The following RIPOR3 variants were observed in gnomAD, a reference collection of about 807,000 sequenced individuals.
RIPOR3 encodes the protein family with sequence similarity 65 member C.
RIPOR3 carries 95 observed loss-of-function variants against 114.3 expected under a neutral mutation model. That is an observed-to-expected ratio of 0.83 (90% CI 0.70 to 0.99). The LOEUF is 0.99. Ranked by LOEUF, RIPOR3 falls within the 50% of genes least tolerant of loss-of-function variation. The pLI, the probability that RIPOR3 is intolerant of heterozygous loss-of-function variation, is 0.00. For synonymous variants in RIPOR3, 575 were observed against 543.8 expected (o/e 1.06, Z -0.80); for missense variants, 1,252 against 1,266.9 (o/e 0.99, Z 0.18).
rs192356830 is a variant in RIPOR3, at chr20:50,619,233, T to C, written c.269+753A>G. On this transcript the variant is annotated intron_variant, in intron 3 of 21. Coordinates refer to ENST00000327979, the MANE Select transcript of RIPOR3 (RefSeq NM_001290268.2). ...GTTGCAGTGAGCTGAGATCACACCATTGCACTCCAGCCTGGGCAACAAGAG... is the reference window on the plus strand; with the variant it reads ...GTTGCAGTGAGCTGAGATCACACCACTGCACTCCAGCCTGGGCAACAAGAG... Among the ~76,000 whole-genome samples the C allele has an allele frequency of 7.1e-3, 1,075 of 150,530 alleles. 11 individuals are homozygous for C. The highest frequency in any genetic ancestry group is 0.027 in the Middle Eastern group (8 of 294).
intron 1 of RIPOR3, among the ~76,000 whole-genome samples, chr20:50,678,112 C>G (rs1382108130): frequency 6.6e-6 from 1 of 152,150 alleles, no homozygotes; most frequent in East Asian, 1.9e-4. Context: ...GTTTTGCCCC[C>G]CAAGAAGAGA....
chr20:50,674,073 A>AT (rs1338899541), intron 1 of RIPOR3, among the ~76,000 whole-genome samples: 9 of 152,282 alleles, frequency 5.9e-5, no homozygotes, highest in African/African-American at 2.2e-4. Flanking sequence ...GTTGGCCATT[A>AT]TAAAGACAAG....
Position 50,594,254 on chromosome 20 carries a change from C to T in RIPOR3, c.2212+299G>A, listed in dbSNP as rs1450334772. ...TTGTGCCACAGCACTATAGCCTGGG[C>T]GACAGAGTGAGACTCCATCTCAAAA... On this transcript the variant is annotated intron_variant, in intron 17 of 21. Coordinates refer to ENST00000327979, the MANE Select transcript of RIPOR3 (RefSeq NM_001290268.2). 6.4e-5 allele frequency among the ~76,000 whole-genome samples: 9 copies of T among 141,436 alleles called. No individual in the cohort carries two copies. The East Asian group carries it at 1.4e-3, about 22-fold the overall frequency. 92.8% of individuals were successfully genotyped at this position (141,436 alleles called of 152,430 possible). A position where few individuals can be genotyped will look rare whatever the true frequency, so the allele number is the denominator to read the frequency against.
At chr20:50,588,945 G>T (rs1452954934) in intron 20 of RIPOR3, among the ~76,000 whole-genome samples, 1 of 151,558 alleles carries the variant, frequency 6.6e-6, no homozygotes, top group Non-Finnish European at 1.5e-5. Flanking sequence ...AGCCGGGCGT[G>T]GTGGTGGGCG....
chr20:50,677,961 C>T (rs576210797), intron 1 of RIPOR3, among the ~76,000 whole-genome samples: 3 of 152,242 alleles, frequency 2.0e-5, no homozygotes, highest in East Asian at 1.9e-4. Flanking sequence ...TGAGCCACCG[C>T]GCCTGGCCTT....
chr20:50,645,580 G>T (rs766999919), intron 1 of RIPOR3: 1 of 152,420 alleles, frequency 6.6e-6, no homozygotes, highest in South Asian at 2.1e-4. Context: ...AAGGGCACTG[G>T]GAACCCTGTG....
intron 1 of RIPOR3, among the ~76,000 whole-genome samples, chr20:50,634,069 C>T (rs1235974719): frequency 6.6e-6 from 1 of 151,158 alleles, no homozygotes; most frequent in African/African-American, 2.4e-5. Flanking sequence ...GCAACCTCCA[C>T]CTGCTGGGCT....
At position 50,602,466 on chromosome 20, in the gene RIPOR3, G is replaced by A. The variant is rs1191478770; in HGVS notation, c.1265C>T (p.Thr422Met). Residue 422 changes from threonine to methionine, a missense_variant, in exon 13 of 22, where the codon ACG becomes ATG. Physicochemically the swap from Thr to Met is moderately conservative, Grantham distance 81. Transcript: ENST00000327979. The surrounding 1 kb of genome is among the most constrained non-coding windows in gnomAD (Gnocchi z 4.3). ...GCCCACATCTGAGGTGGACGCCGAC[G>A]TGCTGGTCTCCGTGTCTCGGGGGTC... ...SEDPRDTETS[T>M]SASTSDVGFL... 5.1e-6 allele frequency: 8 copies of A among 1,563,542 alleles called. No homozygotes were observed. Among genetic ancestry groups the A allele is most frequent in the South Asian group, 3.5e-5 (3 of 85,840 alleles).
At chr20:50,624,216 G>C (rs2084534261) in intron 2 of RIPOR3, among the ~76,000 whole-genome samples, 1 of 152,172 alleles carries the variant, frequency 6.6e-6, no homozygotes, top group Non-Finnish European at 1.5e-5. Flanking sequence ...CCCTCCCTGA[G>C]GCCCCATCAC....
chr20:50,640,892 G>C (rs2085165896), intron 1 of RIPOR3, among the ~76,000 whole-genome samples: 1 of 150,962 alleles, frequency 6.6e-6, no homozygotes, highest in Non-Finnish European at 1.5e-5. Flanking sequence ...GTTATAGCAA[G>C]TTGTAATATG....
At chr20:50,588,605 T>G (rs1456183928) in intron 20 of RIPOR3, among the ~76,000 whole-genome samples, 1 of 152,076 alleles carries the variant, frequency 6.6e-6, no homozygotes, top group Non-Finnish European at 1.5e-5. Context: ...GAACTCCATG[T>G]TTTTTTAAAG....
Position 50,592,549 on chromosome 20 carries a change from A to G in RIPOR3, c.2375-3T>C, listed in dbSNP as rs779152350. 10 of 1,524,844 alleles carry G rather than the reference A, an allele frequency of 6.6e-6. No homozygotes were observed. The highest frequency in any genetic ancestry group is 1.3e-5 in the South Asian group (1 of 79,058). 94.5% of individuals were successfully genotyped at this position (1,524,844 alleles called of 1,614,324 possible). A position where few individuals can be genotyped will look rare whatever the true frequency, so the allele number is the denominator to read the frequency against. On this transcript the variant is annotated splice_polypyrimidine_tract_variant and splice_region_variant and intron_variant, in intron 18 of 21. Coordinates refer to ENST00000327979, the MANE Select transcript of RIPOR3 (RefSeq NM_001290268.2). ...GTGAAGCTCCTCGATGAGTGTCACT[A>G]GAAGACAGGAAAGAGGTGGGCCCAG...
chr20:50,637,718 T>C (rs1475130567), intron 1 of RIPOR3, among the ~76,000 whole-genome samples: 5 of 151,836 alleles, frequency 3.3e-5, no homozygotes, highest in African/African-American at 9.7e-5. Context: ...GTACTAAAAA[T>C]ACAAAAATTA....
intron 1 of RIPOR3, among the ~76,000 whole-genome samples, chr20:50,689,283 C>T (rs2087130626): frequency 6.7e-6 from 1 of 148,904 alleles, no homozygotes; most frequent in Non-Finnish European, 1.5e-5. Context: ...TCAAGTGATT[C>T]TCCTGCCTCA....
chr20:50,614,615 C>T (rs1056106291), intron 4 of RIPOR3: 20 of 170,338 alleles, frequency 1.2e-4, no homozygotes, highest in African/African-American at 3.9e-4. Context: ...GCAATGGGAT[C>T]CTAGCAGTGT....
chr20:50,689,441 G>A (rs1247721342), intron 1 of RIPOR3, among the ~76,000 whole-genome samples: 1 of 152,130 alleles, frequency 6.6e-6, no homozygotes, highest in Non-Finnish European at 1.5e-5. Flanking sequence ...CTCTCAAAGT[G>A]CTGAGATTAC....
At position 50,597,569 on chromosome 20, in the gene RIPOR3, G is replaced by A. The variant is rs1456490120; in HGVS notation, c.1790+11C>T. On this transcript the variant is annotated intron_variant, in intron 14 of 21. Transcript: ENST00000327979. ...GGCCACTGGGTCACTGCTGGAAGGA[G>A]GTGCACTCACCGGAGACCCTGGGAG... 6.3e-7 allele frequency: 1 copy of A among 1,599,298 alleles called. No individual in the cohort carries two copies. The highest frequency in any genetic ancestry group is 1.3e-5 in the African/African-American group (1 of 74,578).
At chr20:50,601,565 G>A (rs1047453447) in intron 13 of RIPOR3, among the ~76,000 whole-genome samples, 9 of 152,218 alleles carry the variant, frequency 5.9e-5, no homozygotes, top group African/African-American at 1.7e-4. Context: ...GTGTAAACAC[G>A]AGAGGAGAAT....
chr20:50,601,571 A>T (rs1460553064), intron 13 of RIPOR3, among the ~76,000 whole-genome samples: 1 of 152,234 alleles, frequency 6.6e-6, no homozygotes, highest in Non-Finnish European at 1.5e-5. Context: ...ACACGAGAGG[A>T]GAATGTAATA....
Sources: gnomAD v4.1 joint callset for allele counts (sites outside exome capture counted in the v4.1 genomes callset) on GRCh38, gnomAD v4.1.1 for gene constraint, Gnocchi (gnomAD v3.1) non-coding constraint, MANE v1.5 for transcripts, NCBI Gene and HGNC (gene_info 2026-07-23, HGNC 2026-07-21) for gene names.